The following DENND6A variants were observed in gnomAD, a reference collection of about 807,000 sequenced individuals.
DENND6A encodes DENN domain containing 6A, also known as protein DENND6A.
DENND6A carries 43 observed loss-of-function variants against 95.5 expected under a neutral mutation model. That is an observed-to-expected ratio of 0.45 (90% CI 0.35 to 0.58). DENND6A has a LOEUF of 0.58. DENND6A is among the 20% of genes least tolerant of loss of function. The pLI is 0.00. For synonymous variants in DENND6A, 257 were observed against 260.4 expected, an observed-to-expected ratio of 0.99 and a Z score of 0.13; for missense variants, 574 against 736.0, an observed-to-expected ratio of 0.78 and a Z score of 2.55.
intron 18 of DENND6A, 35 bp downstream of exon 18, chr3:57,630,386 T>C (rs770201093): frequency 6.6e-6 from 10 of 1,513,622 alleles, no homozygotes; most frequent in East Asian, 2.3e-5. Flanking sequence ...TTTTCAACAG[T>C]TGTTAATCAT....
At chr3:57,664,689 T>C (rs1329350631) in intron 4 of DENND6A, among the ~76,000 whole-genome samples, 4 of 152,014 alleles carry the variant, frequency 2.6e-5, no homozygotes, top group South Asian at 4.2e-4. Flanking sequence ...AAAAATTAGC[T>C]GGGTGTGGTG....
At chr3:57,685,958 A>C (rs1318982169) in intron 1 of DENND6A, among the ~76,000 whole-genome samples, 1 of 152,190 alleles carries the variant, frequency 6.6e-6, no homozygotes, top group East Asian at 1.9e-4. Flanking sequence ...AGTTTATATA[A>C]AGAGAAAATT....
intron 9 of DENND6A, chr3:57,654,581 G>A (rs1296193056): frequency 1.1e-6 from 1 of 945,392 alleles, no homozygotes; most frequent in African/African-American, 1.8e-5. Context: ...CAAGTAAAAT[G>A]TCCCTGACTC....
At position 57,627,659 on chromosome 3, in the gene DENND6A, G is replaced by A. The variant is rs2070561960; in HGVS notation, c.*555C>T. The A allele has an allele frequency of 2.0e-5, 3 of 152,372 alleles. No individual in the cohort carries two copies. The highest frequency in any genetic ancestry group is 1.3e-4 in the Admixed American group (2 of 15,244). 9.4% of individuals were successfully genotyped at this position (152,372 alleles called of 1,614,324 possible). On this transcript the variant is annotated 3_prime_UTR_variant, in exon 20 of 20. Coordinates refer to ENST00000311128, the MANE Select transcript of DENND6A (RefSeq NM_152678.3). ...TTTTTTAAACAATGATCACTCAACA[G>A]AATACCTTATAAAATTACGTATCAT... is the stretch of plus-strand genomic sequence containing the variant.
chr3:57,657,608 AT>A (rs1479135020), intron 9 of DENND6A, 71 bp downstream of exon 9: 3 of 1,024,334 alleles, frequency 2.9e-6, no homozygotes, highest in East Asian at 5.3e-5. Flanking sequence ...TATAATATTC[AT>A]TTTTTAAATA....
chr3:57,676,248 T>C (rs904532309), intron 1 of DENND6A, among the ~76,000 whole-genome samples: 27 of 151,894 alleles, frequency 1.8e-4, no homozygotes, highest in African/African-American at 6.5e-4. Context: ...GGCATGGTGG[T>C]GGGCACTTGT....
chr3:57,672,291 T>C lies in DENND6A; in HGVS notation c.284A>G (p.Asn95Ser), dbSNP rs781616401. The change falls in exon 3 of 20, where the codon AAT (asparagine) becomes AGT (serine). Residue 95 changes from asparagine (N) to serine (S), a missense_variant. Physicochemically the swap from Asn to Ser is conservative, Grantham distance 46. This residue lies in a region of DENND6A where 452 missense variants were observed against 630.9 expected (regional missense o/e 0.72). Coordinates refer to ENST00000311128, the MANE Select transcript of DENND6A (RefSeq NM_152678.3). ...ATCTGGAAAAGACAAATAGCAAATA[T>C]TGGTTTTCTGAAAAAGAAAACAAAA... ...HSKLTDREKT[N>S]ICYLSFPDSN... The C allele has an allele frequency of 6.2e-7, 1 of 1,610,264 alleles. No homozygotes were observed. Among genetic ancestry groups the C allele is most frequent in the Non-Finnish European group, 8.5e-7 (1 of 1,178,880 alleles).
At chr3:57,687,742 G>T (rs1036028377) in intron 1 of DENND6A, among the ~76,000 whole-genome samples, 1 of 151,918 alleles carries the variant, frequency 6.6e-6, no homozygotes, top group Admixed American at 6.6e-5. Flanking sequence ...AGACCAGCCT[G>T]GACAACAAAG....
chr3:57,669,405 C>T (rs1420908266), intron 3 of DENND6A, among the ~76,000 whole-genome samples: 1 of 151,940 alleles, frequency 6.6e-6, no homozygotes, highest in East Asian at 1.9e-4. Flanking sequence ...ATAAAAAAAG[C>T]ATTAAATAAT....
chr3:57,683,933 T>A (rs1461291115), intron 1 of DENND6A, among the ~76,000 whole-genome samples: 1 of 151,990 alleles, frequency 6.6e-6, no homozygotes, highest in Non-Finnish European at 1.5e-5. Flanking sequence ...AGCGGGTGGA[T>A]CACAAGGTCA....
At chr3:57,671,484 C>T (rs11714803) in intron 3 of DENND6A, among the ~76,000 whole-genome samples, 20,361 of 151,080 alleles carry the variant, frequency 0.13, 1,450 homozygotes, top group South Asian at 0.21. Context: ...GAGCTGAGAT[C>T]GCGTCACTGC....
chr3:57,659,905 A>G (rs558659278), intron 7 of DENND6A, among the ~76,000 whole-genome samples: 1 of 152,310 alleles, frequency 6.6e-6, no homozygotes, highest in African/African-American at 2.4e-5. Flanking sequence ...CTGTTTCTGC[A>G]TATCACTCAT....
At chr3:57,669,132 A>G (rs1559824914) in intron 3 of DENND6A, among the ~76,000 whole-genome samples, 1 of 152,140 alleles carries the variant, frequency 6.6e-6, no homozygotes, top group Non-Finnish European at 1.5e-5. Flanking sequence ...TCAGCCTCCC[A>G]AAGTCCTGAG....
chr3:57,651,494 T>C (rs2071209115), intron 9 of DENND6A, among the ~76,000 whole-genome samples: 1 of 152,058 alleles, frequency 6.6e-6, no homozygotes, highest in Admixed American at 6.6e-5. Flanking sequence ...AAATTAGTAA[T>C]GGCAAGGGGC....
intron 1 of DENND6A, among the ~76,000 whole-genome samples, chr3:57,680,194 G>A (rs2077150639): frequency 6.6e-6 from 1 of 152,146 alleles, no homozygotes; most frequent in Admixed American, 6.6e-5. Context: ...TATAACTCTT[G>A]GAAGAAAACA....
chr3:57,665,735 C>A (rs1331931055), intron 4 of DENND6A, among the ~76,000 whole-genome samples: 2 of 151,906 alleles, frequency 1.3e-5, no homozygotes, highest in African/African-American at 4.8e-5. Flanking sequence ...TAAATAATAA[C>A]TAAAACAAGG....
At chr3:57,692,191 G>A (rs2153417981) in intron 1 of DENND6A, among the ~76,000 whole-genome samples, 1 of 133,052 alleles carries the variant, frequency 7.5e-6, no homozygotes, top group African/African-American at 2.9e-5. Context: ...TCGCGCCATT[G>A]CACTCCAGCC....
At chr3:57,676,500 G>C (rs2071712496) in intron 1 of DENND6A, among the ~76,000 whole-genome samples, 1 of 151,654 alleles carries the variant, frequency 6.6e-6, no homozygotes, top group Admixed American at 6.6e-5. Context: ...TGCCAGTGGA[G>C]ATGTTATATG....
chr3:57,668,945 T>C (rs1431990956), intron 3 of DENND6A, among the ~76,000 whole-genome samples: 1 of 152,172 alleles, frequency 6.6e-6, no homozygotes, highest in Non-Finnish European at 1.5e-5. Context: ...CAATCTCGGC[T>C]CACTGCAACC....
Sources: gnomAD v4.1 joint callset for allele counts (sites outside exome capture counted in the v4.1 genomes callset) on GRCh38, gnomAD v4.1.1 for gene constraint, gnomAD v4.1.1 regional missense constraint, MANE v1.5 for transcripts, NCBI Gene and HGNC (gene_info 2026-07-23, HGNC 2026-07-21) for gene names.